The following MAPK8IP1 variants were observed in gnomAD, a reference collection of about 807,000 sequenced individuals.
MAPK8IP1 encodes C-Jun-amino-terminal kinase-interacting protein 1.
Under a neutral mutation model 72.6 loss-of-function variants are expected in MAPK8IP1, and 17 were observed. That is an observed-to-expected ratio of 0.23 (90% CI 0.16 to 0.35). MAPK8IP1 has a LOEUF of 0.35. Ranked by LOEUF, MAPK8IP1 falls within the 10% of genes least tolerant of loss-of-function variation. The pLI, the probability that MAPK8IP1 is intolerant of heterozygous loss-of-function variation, is 1.00. For synonymous variants in MAPK8IP1, 401 were observed against 443.4 expected (o/e 0.90, Z 1.20); for missense variants, 789 against 1,009.7 (o/e 0.78, Z 2.96).
intron 1 of MAPK8IP1, among the ~76,000 whole-genome samples, chr11:45,890,184 G>A (rs1356326387): frequency 1.3e-5 from 2 of 152,206 alleles, no homozygotes; most frequent in Non-Finnish European, 2.9e-5. Context: ...TGGAGAGCAG[G>A]ATGTGCAGGA....
intron 1 of MAPK8IP1, among the ~76,000 whole-genome samples, chr11:45,895,005 G>T (rs1047643171): frequency 2.0e-5 from 3 of 152,228 alleles, no homozygotes; most frequent in African/African-American, 7.2e-5. Flanking sequence ...CATGGTTTGA[G>T]AGTCTGCCAC....
rs1044852867 is a variant in MAPK8IP1, at chr11:45,897,973, C to T, written c.102-112C>T. On this transcript the variant is annotated intron_variant, in intron 1 of 11. Transcript: ENST00000241014. ...ATACAGATGAACCCCAAATCCTGTC[C>T]TCTGGGGGCTGTGTTTGGCCTTCAA... The T allele has an allele frequency of 8.1e-5, 57 of 706,816 alleles. No homozygotes were observed. In the Middle Eastern group the frequency reaches 2.1e-3, roughly 26 times the overall value. 43.8% of individuals were successfully genotyped at this position (706,816 alleles called of 1,614,324 possible). A position where few individuals can be genotyped will look rare whatever the true frequency, so the allele number is the denominator to read the frequency against.
In MAPK8IP1 at chr11:45,905,627, CTG is replaced by C; in HGVS notation, c.2064-16_2064-15del. On this transcript the variant is annotated intron_variant, in intron 11 of 11. Coordinates refer to ENST00000241014, the MANE Select transcript of MAPK8IP1 (RefSeq NM_005456.4). ...CCTTGCCAGTGGCGATCTGAGCCAT[CTG>C]TGTGTCCCCTGGCTTCTAGGAGAGC... 6.2e-7 allele frequency: 1 copy of C among 1,605,890 alleles called. No homozygotes were observed. Among genetic ancestry groups the C allele is most frequent in the Non-Finnish European group, 8.5e-7 (1 of 1,172,586 alleles).
chr11:45,900,303 G>T lies in MAPK8IP1; in HGVS notation c.373G>T (p.Gly125Trp). 1.5e-6 allele frequency: 2 copies of T among 1,351,092 alleles called. No homozygotes were observed. Among genetic ancestry groups the T allele is most frequent in the Non-Finnish European group, 1.9e-6 (2 of 1,058,342 alleles). 83.7% of individuals were successfully genotyped at this position (1,351,092 alleles called of 1,614,324 possible). A position where few individuals can be genotyped will look rare whatever the true frequency, so the allele number is the denominator to read the frequency against. The change falls in exon 3 of 12, where the codon GGG (glycine) becomes TGG (tryptophan). Residue 125 changes from glycine to tryptophan, a missense_variant. Gly to Trp is a radical substitution (Grantham distance 184, BLOSUM62 -2). Around this residue, in one of 4 missense-constraint regions of MAPK8IP1, gnomAD observed 112 missense variants for 192.8 expected, o/e 0.58. Coordinates refer to ENST00000241014, the MANE Select transcript of MAPK8IP1 (RefSeq NM_005456.4). This position sits in a 1 kb window ranked among gnomAD's most constrained non-coding sequence, Gnocchi z 6.5. ...GCGCGCGGCCCGGCGGCCGGGAGCG[G>T]GGCCGCCCAAGGCCGAGTCCGGCCA... is the stretch of plus-strand genomic sequence containing the variant. Reference protein sequence around the residue: ...EERAARRPGAGPPKAESGQEP... With the variant: ...EERAARRPGAWPPKAESGQEP...
chr11:45,888,039 C>T (rs1273240342), intron 1 of MAPK8IP1, among the ~76,000 whole-genome samples: 1 of 152,284 alleles, frequency 6.6e-6, no homozygotes, highest in African/African-American at 2.4e-5. Flanking sequence ...GCACTTAAGC[C>T]CTCTGAGCCT....
At position 45,900,107 on chromosome 11, in the gene MAPK8IP1, G is replaced by C; in HGVS notation, c.208-31G>C. 21 of 1,189,390 alleles carry C rather than the reference G, an allele frequency of 1.8e-5. No homozygotes were observed. Among genetic ancestry groups the C allele is most frequent in the Non-Finnish European group, 2.2e-5 (21 of 959,764 alleles). 73.7% of individuals were successfully genotyped at this position (1,189,390 alleles called of 1,614,324 possible). On this transcript the variant is annotated intron_variant, in intron 2 of 11. Transcript: ENST00000241014. The surrounding 1 kb of genome is among the most constrained non-coding windows in gnomAD (Gnocchi z 6.5). Reference sequence around the variant, plus strand: ...GCGGCCTCGGCCCCGCCCCGGCCCCGCCCCCTGACGCCCCTCCGTGCGCTG... The same window carrying C: ...GCGGCCTCGGCCCCGCCCCGGCCCCCCCCCCTGACGCCCCTCCGTGCGCTG...
chr11:45,904,614 A>C lies in MAPK8IP1; in HGVS notation c.1776+50A>C. On this transcript the variant is annotated intron_variant, in intron 8 of 11. Transcript: ENST00000241014. The surrounding 1 kb of genome is among the most constrained non-coding windows in gnomAD (Gnocchi z 6.4). ...TCCCTTGGATGGGTCCCTGGGGCAGAGGGACGCAGGTGTCTAGAGGCAGTA... is the reference window on the plus strand; with the variant it reads ...TCCCTTGGATGGGTCCCTGGGGCAGCGGGACGCAGGTGTCTAGAGGCAGTA... 6.3e-7 allele frequency: 1 copy of C among 1,597,636 alleles called. No individual in the cohort carries two copies. The highest frequency in any genetic ancestry group is 8.6e-7 in the Non-Finnish European group (1 of 1,165,166).
chr11:45,885,959 C>A, intron 1 of MAPK8IP1, 38 bp downstream of exon 1: 1 of 1,363,244 alleles, frequency 7.3e-7, no homozygotes, highest in Non-Finnish European at 9.7e-7. Context: ...CGCCCTTCAG[C>A]GGGGACTGAT....
At chr11:45,898,284 G>A (rs1398300874) in intron 2 of MAPK8IP1, 94 bp downstream of exon 2, 3 of 787,292 alleles carry the variant, frequency 3.8e-6, no homozygotes, top group Non-Finnish European at 6.6e-6. Flanking sequence ...GGGGTTTCAG[G>A]TCTGTGCTGG....
chr11:45,894,360 A>C (rs924799793), intron 1 of MAPK8IP1, among the ~76,000 whole-genome samples: 1 of 151,334 alleles, frequency 6.6e-6, no homozygotes, highest in African/African-American at 2.4e-5. Flanking sequence ...TATGAGAGGC[A>C]CCTAAAAAGT....
At chr11:45,893,761 G>A (rs1002685801) in intron 1 of MAPK8IP1, among the ~76,000 whole-genome samples, 1 of 151,270 alleles carries the variant, frequency 6.6e-6, no homozygotes, top group African/African-American at 2.4e-5. Flanking sequence ...GGAGGGAACC[G>A]CCCTCTTTTC....
At position 45,900,137 on chromosome 11, in the gene MAPK8IP1, G is replaced by GC; in HGVS notation, c.212dup (p.Arg72AlafsTer108). 1 of 1,274,640 alleles carries GC rather than the reference G, an allele frequency of 7.8e-7. No homozygotes were observed. The highest frequency in any genetic ancestry group is 9.8e-7 in the Non-Finnish European group (1 of 1,015,352). 79.0% of individuals were successfully genotyped at this position (1,274,640 alleles called of 1,614,324 possible). A position where few individuals can be genotyped will look rare whatever the true frequency, so the allele number is the denominator to read the frequency against. On this transcript the variant is annotated frameshift_variant and splice_region_variant. Coordinates refer to ENST00000241014, the MANE Select transcript of MAPK8IP1 (RefSeq NM_005456.4). LOFTEE classifies it high-confidence loss of function. This position sits in a 1 kb window ranked among gnomAD's most constrained non-coding sequence, Gnocchi z 6.5. Reference sequence around the variant, plus strand: ...CTGACGCCCCTCCGTGCGCTGTGCAGCCCCCGCGCGCCGGGCTGCTCTCTG... The same window carrying GC: ...CTGACGCCCCTCCGTGCGCTGTGCAGCCCCCCGCGCGCCGGGCTGCTCTCTG...
rs764445139 is a variant in MAPK8IP1 at position 45,905,019 on chromosome 11, G to A, written c.1942G>A (p.Gly648Arg). ...CCAGTTAAAAAACATCTCTTTCTGCGGATATCATCCAAAGAACAACAAGTA... is the reference window on the plus strand; with the variant it reads ...CCAGTTAAAAAACATCTCTTTCTGCAGATATCATCCAAAGAACAACAAGTA... ...FFQLKNISFC[G>R]YHPKNNKYFG... The change falls in exon 10 of 12, where the codon GGA becomes AGA. Residue 648 changes from glycine (G) to arginine (R), a missense_variant. By Grantham distance (125) the Gly-to-Arg change is moderately radical (BLOSUM62 -2). Around this residue, in one of 4 missense-constraint regions of MAPK8IP1, gnomAD observed 188 missense variants for 293.3 expected, o/e 0.64. Coordinates refer to ENST00000241014, the MANE Select transcript of MAPK8IP1 (RefSeq NM_005456.4). 2.5e-6 allele frequency: 4 copies of A among 1,614,122 alleles called. No individual in the cohort carries two copies. The highest frequency in any genetic ancestry group is 1.3e-5 in the African/African-American group (1 of 75,026).
Position 45,902,505 on chromosome 11 carries a change from A to G in MAPK8IP1, c.738A>G (p.Ala246=). Residue 246 remains alanine, a synonymous_variant, in exon 5 of 12, where the codon GCA becomes GCG. Transcript: ENST00000241014. The surrounding 1 kb of genome is among the most constrained non-coding windows in gnomAD (Gnocchi z 9.3). ...GCCGCAGCACAGCCACCCAGATGGCACCTCCGGGTGGTCCCCCTGCTGCCC... is the reference window on the plus strand; with the variant it reads ...GCCGCAGCACAGCCACCCAGATGGCGCCTCCGGGTGGTCCCCCTGCTGCCC... ...PCRRSTATQM[A]PPGGPPAAPP... The G allele has an allele frequency of 5.6e-6, 9 of 1,608,030 alleles. No individual in the cohort carries two copies. Among genetic ancestry groups the G allele is most frequent in the Non-Finnish European group, 5.1e-6 (6 of 1,178,104 alleles).
rs2086648380 is a variant in MAPK8IP1 at position 45,900,931 on chromosome 11, G to C, written c.522+479G>C. ...ATGGGAAGCTCAGGGGCCACAGCCA[G>C]TTTAAGATCTGGGCAGCTGCGAATT... On this transcript the variant is annotated intron_variant, in intron 3 of 11. Transcript: ENST00000241014. The surrounding 1 kb of genome is among the most constrained non-coding windows in gnomAD (Gnocchi z 6.5). Among the ~76,000 whole-genome samples, 1 of 152,132 alleles carries C rather than the reference G, an allele frequency of 6.6e-6. No individual in the cohort carries two copies. Among genetic ancestry groups the C allele is most frequent in the Admixed American group, 6.5e-5 (1 of 15,280 alleles).
At chr11:45,896,972 G>A (rs79898176) in intron 1 of MAPK8IP1, 76,875 of 1,558,746 alleles carry the variant, frequency 0.049, 2,407 homozygotes, top group Non-Finnish European at 0.056. Flanking sequence ...CGGGGCTGGC[G>A]GGGGTGGAGA....
At chr11:45,887,428 C>T (rs1054516131) in intron 1 of MAPK8IP1, among the ~76,000 whole-genome samples, 1 of 152,218 alleles carries the variant, frequency 6.6e-6, no homozygotes, top group African/African-American at 2.4e-5. Context: ...ACCCTCATAA[C>T]TGCCCCAAGA....
rs529526602 is a variant in MAPK8IP1 at position 45,903,338 on chromosome 11, C to T, written c.1418-27C>T. 1 of 1,610,058 alleles carries T rather than the reference C, an allele frequency of 6.2e-7. No individual in the cohort carries two copies. Among genetic ancestry groups the T allele is most frequent in the Non-Finnish European group, 8.5e-7 (1 of 1,177,048 alleles). On this transcript the variant is annotated intron_variant, in intron 5 of 11. Coordinates refer to ENST00000241014, the MANE Select transcript of MAPK8IP1 (RefSeq NM_005456.4). This position sits in a 1 kb window ranked among gnomAD's most constrained non-coding sequence, Gnocchi z 6.4. The stretch of plus-strand genomic sequence containing the variant: ...AACCTGGATCAGAGCTGCGACCCCC[C>T]ATCCAGCCACACCACCTCACCTGCA...
Position 45,902,340 on chromosome 11 carries a change from G to A in MAPK8IP1, c.605-32G>A. 3 of 1,511,138 alleles carry A rather than the reference G, an allele frequency of 2.0e-6. No homozygotes were observed. Among genetic ancestry groups the A allele is most frequent in the Non-Finnish European group, 2.7e-6 (3 of 1,112,254 alleles). The allele number at this position is 1,511,138 out of a possible 1,614,324, so 93.6% of individuals were successfully genotyped here. Reference sequence around the variant, plus strand: ...GCAGGTAGCTGGGAGTTGGGAGAGAGCCCCTGCCTTCATGACCTGCCTGCT... The same window carrying A: ...GCAGGTAGCTGGGAGTTGGGAGAGAACCCCTGCCTTCATGACCTGCCTGCT... On this transcript the variant is annotated intron_variant, in intron 4 of 11. Coordinates refer to ENST00000241014, the MANE Select transcript of MAPK8IP1 (RefSeq NM_005456.4). This position sits in a 1 kb window ranked among gnomAD's most constrained non-coding sequence, Gnocchi z 9.3.
Sources: gnomAD v4.1 joint callset for allele counts (sites outside exome capture counted in the v4.1 genomes callset) on GRCh38, gnomAD v4.1.1 for gene constraint, gnomAD v4.1.1 regional missense constraint, Gnocchi (gnomAD v3.1) non-coding constraint, MANE v1.5 for transcripts, NCBI Gene and HGNC (gene_info 2026-07-23, HGNC 2026-07-21) for gene names.